Variants in FHIP2A observed in about 807,000 individuals in gnomAD.
FHIP2A encodes the protein FHF complex subunit HOOK interacting protein 2A.
FHIP2A carries 46 observed loss-of-function variants against 93.5 expected under a neutral mutation model. The ratio of observed to expected loss-of-function variants is 0.49; its 90% CI spans 0.39 to 0.63. The LOEUF (loss-of-function observed/expected upper bound fraction) is 0.63, where lower values mean the gene tolerates loss of function less well. Ranked by LOEUF, FHIP2A falls within the 20% of genes least tolerant of loss-of-function variation. The pLI is 0.00. For synonymous variants in FHIP2A, 332 were observed against 326.5 expected (o/e 1.02, Z -0.18); for missense variants, 769 against 909.7 (o/e 0.85, Z 1.99).
Position 114,845,463 on chromosome 10 carries a change from C to T in FHIP2A, c.1110C>T (p.Leu370=). The T allele has an allele frequency of 6.2e-7, 1 of 1,608,898 alleles. No individual in the cohort carries two copies. Among genetic ancestry groups the T allele is most frequent in the Non-Finnish European group, 8.5e-7 (1 of 1,176,070 alleles). The part of the protein sequence containing the change: ...FLSWFDYCDQ[L]IKEAQKTAAV... The stretch of plus-strand genomic sequence containing the variant: ...CCTGGTTTGATTATTGTGATCAGCT[C>T]ATTAAGGAAGCCCAAAAGGTTTGTA... Residue 370 remains leucine, a synonymous_variant, in exon 8 of 17, where the codon CTC becomes CTT. Coordinates refer to ENST00000369248, the MANE Select transcript of FHIP2A (RefSeq NM_020940.4).
chr10:114,832,568 A>T (rs1359095137), intron 2 of FHIP2A, among the ~76,000 whole-genome samples: 8 of 152,156 alleles, frequency 5.3e-5, no homozygotes, highest in Non-Finnish European at 7.3e-5. Context: ...GTGAAAAAAA[A>T]ATATTTTAAT....
At position 114,856,347 on chromosome 10, in the gene FHIP2A, G is replaced by A. The variant is rs1592024266; in HGVS notation, c.1947+1007G>A. On this transcript the variant is annotated intron_variant, in intron 14 of 16. Transcript: ENST00000369248. Reference sequence around the variant, plus strand: ...ATTCGCTGTATTTCTAGTGTTGCTTGGTTGGTCGTTTTAAACCTGACAACC... The same window carrying A: ...ATTCGCTGTATTTCTAGTGTTGCTTAGTTGGTCGTTTTAAACCTGACAACC... 2.0e-5 allele frequency among the ~76,000 whole-genome samples: 3 copies of A among 151,656 alleles called. No individual in the cohort carries two copies. In the South Asian group the frequency reaches 6.3e-4, roughly 32 times the overall value.
chr10:114,879,981 G>A (rs557176141), intron 16 of FHIP2A, among the ~76,000 whole-genome samples: 1 of 152,318 alleles, frequency 6.6e-6, no homozygotes, highest in Admixed American at 6.5e-5. Flanking sequence ...CTTTACATAT[G>A]TATTCCACAC....
chr10:114,858,760 G>A (rs990652255), intron 14 of FHIP2A, among the ~76,000 whole-genome samples: 9 of 152,114 alleles, frequency 5.9e-5, no homozygotes, highest in Non-Finnish European at 1.2e-4. Context: ...TGGTTAATGA[G>A]TCCAAAAGTA....
intron 16 of FHIP2A, among the ~76,000 whole-genome samples, chr10:114,885,181 G>T (rs1477698963): frequency 6.6e-6 from 1 of 151,944 alleles, no homozygotes; most frequent in Non-Finnish European, 1.5e-5. Flanking sequence ...GATCACCTGA[G>T]GTCAGGAGTT....
intron 5 of FHIP2A, 112 bp from the exon 6 acceptor site, chr10:114,842,821 T>C (rs960446303): frequency 9.1e-6 from 6 of 660,696 alleles, no homozygotes; most frequent in Non-Finnish European, 1.0e-5. Flanking sequence ...ACATAACATC[T>C]ATTGCTACTT....
chr10:114,840,761 C>A (rs1389573040), intron 5 of FHIP2A, among the ~76,000 whole-genome samples: 1 of 152,030 alleles, frequency 6.6e-6, no homozygotes, highest in African/African-American at 2.4e-5. Flanking sequence ...AAAACAGGGG[C>A]CCCAAGGGAG....
chr10:114,875,384 A>T (rs2083879701), intron 16 of FHIP2A, among the ~76,000 whole-genome samples: 1 of 152,090 alleles, frequency 6.6e-6, no homozygotes, highest in African/African-American at 2.4e-5. Context: ...AGAAGCAAGG[A>T]TGGTGGAGAA....
rs765944454 is a variant in FHIP2A, at chr10:114,878,905, G to A, written c.2192+17571G>A. 1.7e-4 allele frequency among the ~76,000 whole-genome samples: 26 copies of A among 152,102 alleles called. 1 individual carries two copies. The highest frequency in any genetic ancestry group is 1.2e-3 in the South Asian group (6 of 4,816). On this transcript the variant is annotated intron_variant, in intron 16 of 16. Transcript: ENST00000369250. ...TTTTGCATAGGACACACTATGTTAC[G>A]AGCTATGTGGGGATCAGGGACAATA...
chr10:114,828,636 C>CTA (rs1291999998), intron 1 of FHIP2A, among the ~76,000 whole-genome samples: 3 of 152,068 alleles, frequency 2.0e-5, no homozygotes, highest in African/African-American at 4.8e-5. Flanking sequence ...TTTTTTTTAT[C>CTA]TAAACATTTT....
intron 3 of FHIP2A, 105 bp downstream of exon 3, chr10:114,833,507 A>T: frequency 9.3e-7 from 1 of 1,074,728 alleles, no homozygotes; most frequent in Non-Finnish European, 1.4e-6. Context: ...CATATTGAAC[A>T]TGGCAGGATT....
chr10:114,861,763 C>T lies in FHIP2A; in HGVS notation c.*223C>T, dbSNP rs2083801372. The T allele has an allele frequency of 5.7e-6, 7 of 1,219,716 alleles. No homozygotes were observed. The highest frequency in any genetic ancestry group is 4.0e-5 in the East Asian group (1 of 24,836). The allele number at this position is 1,219,716 out of a possible 1,614,324, so 75.6% of individuals were successfully genotyped here. On this transcript the variant is annotated 3_prime_UTR_variant, in exon 17 of 17. Coordinates refer to ENST00000369248, the MANE Select transcript of FHIP2A (RefSeq NM_020940.4). ...CATAATGGTTCTATATATACAATTG[C>T]ACATTGTTGAATCCAGGATACAATC...
At position 114,861,634 on chromosome 10, in the gene FHIP2A, C is replaced by G. The variant is rs2083800597; in HGVS notation, c.*94C>G. The G allele has an allele frequency of 2.7e-6, 4 of 1,501,908 alleles. No individual in the cohort carries two copies. The highest frequency in any genetic ancestry group is 2.7e-6 in the Non-Finnish European group (3 of 1,131,798). The allele number at this position is 1,501,908 out of a possible 1,614,324, so 93.0% of individuals were successfully genotyped here. On this transcript the variant is annotated 3_prime_UTR_variant, in exon 17 of 17. Coordinates refer to ENST00000369248, the MANE Select transcript of FHIP2A (RefSeq NM_020940.4). ...ACCCAGCCACAAGAGGATAAAAAGC[C>G]TTTTTAAACGCAGTATTGCTGTAAA...
intron 16 of FHIP2A, among the ~76,000 whole-genome samples, chr10:114,875,866 AAAG>A (rs2083884251): frequency 1.4e-5 from 2 of 142,236 alleles, no homozygotes; most frequent in Admixed American, 1.4e-4. Context: ...AGAAAGAAAG[AAAG>A]AGAAAGAAAG....
chr10:114,874,251 A>T (rs960174264), intron 16 of FHIP2A, among the ~76,000 whole-genome samples: 4 of 144,378 alleles, frequency 2.8e-5, no homozygotes, highest in Admixed American at 2.7e-4. Context: ...AAAGATTTCT[A>T]CTTTAGATCT....
At chr10:114,891,205 C>T (rs2083971320) in intron 16 of FHIP2A, among the ~76,000 whole-genome samples, 1 of 125,332 alleles carries the variant, frequency 8.0e-6, no homozygotes, top group East Asian at 2.0e-4. Context: ...ACAACCATAA[C>T]AACAACAACA....
intron 12 of FHIP2A, among the ~76,000 whole-genome samples, chr10:114,847,445 C>A (rs1199295553): frequency 6.6e-6 from 1 of 151,772 alleles, no homozygotes; most frequent in Admixed American, 6.6e-5. Flanking sequence ...CCTGCCACGT[C>A]ACCCAGCTAA....
At chr10:114,826,677 G>A (rs2083578534) in intron 1 of FHIP2A, among the ~76,000 whole-genome samples, 1 of 152,214 alleles carries the variant, frequency 6.6e-6, no homozygotes. Flanking sequence ...GGAAAGCCAG[G>A]GGCAGAAAGA....
chr10:114,824,019 T>C (rs2083559227), intron 1 of FHIP2A, among the ~76,000 whole-genome samples: 1 of 152,136 alleles, frequency 6.6e-6, no homozygotes, highest in South Asian at 2.1e-4. Flanking sequence ...CTTGAATCCA[T>C]GTGAATGAAG....
Sources: allele counts gnomAD v4.1 joint callset (sites outside exome capture counted in the v4.1 genomes callset), GRCh38; gene constraint gnomAD v4.1.1; transcripts MANE v1.5; gene names NCBI Gene and HGNC (gene_info 2026-07-23, HGNC 2026-07-21).